Variants in CERS4 observed in about 807,000 individuals in gnomAD.
CERS4 encodes ceramide synthase 4.
A neutral mutation model predicts 51.8 loss-of-function variants in CERS4; 65 were observed. The ratio of observed to expected loss-of-function variants is 1.26; its 90% CI spans 1.03 to 1.54. The LOEUF (loss-of-function observed/expected upper bound fraction) is 1.54, where lower values mean the gene tolerates loss of function less well. Among genes scored for constraint, CERS4 ranks in the 40% most tolerant of loss-of-function variants. The pLI is 0.00. For synonymous variants in CERS4, 228 were observed against 208.4 expected, an observed-to-expected ratio of 1.09 and a Z score of -0.81; for missense variants, 563 against 500.4, an observed-to-expected ratio of 1.13 and a Z score of -1.19.
intron 3 of CERS4, 134 bp from the exon 4 acceptor site, chr19:8,254,365 C>T: frequency 1.6e-6 from 1 of 625,456 alleles, no homozygotes; most frequent in Non-Finnish European, 2.9e-6. Flanking sequence ...CTGCCATGTG[C>T]CAGCTGTGCT....
intron 2 of CERS4, among the ~76,000 whole-genome samples, chr19:8,218,870 G>T (rs959952802): frequency 6.6e-6 from 1 of 152,148 alleles, no homozygotes; most frequent in African/African-American, 2.4e-5. Flanking sequence ...CTCTGCAGGG[G>T]CTCTCTGTGG....
chr19:8,230,836 T>TTTTG (rs796755303), intron 2 of CERS4, among the ~76,000 whole-genome samples: 1 of 152,082 alleles, frequency 6.6e-6, no homozygotes, highest in African/African-American at 2.4e-5. Flanking sequence ...TTGTTTTTTG[T>TTTTG]TTTGTTTGTT....
intron 2 of CERS4, chr19:8,238,420 G>A: frequency 1.4e-6 from 1 of 720,522 alleles, no homozygotes; most frequent in Non-Finnish European, 1.7e-6. Context: ...AGAGGGCGGA[G>A]GCATGTTGGA....
chr19:8,259,668 G>A (rs1969576358), intron 10 of CERS4, among the ~76,000 whole-genome samples: 1 of 152,122 alleles, frequency 6.6e-6, no homozygotes, highest in African/African-American at 2.4e-5. Context: ...GGAACTGCTC[G>A]AGGCAGCAGG....
intron 5 of CERS4, 39 bp from the exon 6 acceptor site, chr19:8,255,783 G>A (rs763330915): frequency 2.2e-5 from 31 of 1,396,926 alleles, no homozygotes; most frequent in African/African-American, 9.2e-5. Flanking sequence ...GGGGCGGGGC[G>A]GGTGTCTGCT....
intron 6 of CERS4, 64 bp from the exon 7 acceptor site, chr19:8,256,172 C>A (rs370479797): frequency 4.6e-6 from 7 of 1,527,224 alleles, no homozygotes; most frequent in Non-Finnish European, 6.2e-6. Context: ...CCAAAGAGAC[C>A]GCAGACCCAG....
chr19:8,232,447 C>A lies in CERS4; in HGVS notation c.-1-18629C>A, dbSNP rs1968052768. On this transcript the variant is annotated intron_variant, in intron 2 of 11. Transcript: ENST00000251363. The stretch of plus-strand genomic sequence containing the variant: ...CTGGGATTACAGGCACGTGCCACCA[C>A]ACCCGGCAATTTTTTTGTATTTTTA... Among the ~76,000 whole-genome samples the A allele has an allele frequency of 2.6e-5, 4 of 152,000 alleles. No individual in the cohort carries two copies. The South Asian group carries it at 8.3e-4, about 32-fold the overall frequency.
At chr19:8,251,014 C>T (rs977393235) in intron 2 of CERS4, 62 bp from the exon 3 acceptor site, 58 of 1,506,618 alleles carry the variant, frequency 3.8e-5, no homozygotes, top group Admixed American at 3.0e-4. Context: ...GCCTCTCAGG[C>T]CCCACTTGCC....
chr19:8,261,529 C>T (rs1024016307), intron 10 of CERS4, 159 bp from the exon 11 acceptor site: 14 of 760,764 alleles, frequency 1.8e-5, no homozygotes, highest in South Asian at 1.0e-4. Flanking sequence ...GGGGGCCTCG[C>T]GTGCCCAGCT....
chr19:8,253,996 C>A (rs1599584182), intron 3 of CERS4, among the ~76,000 whole-genome samples: 1 of 152,090 alleles, frequency 6.6e-6, no homozygotes, highest in East Asian at 1.9e-4. Flanking sequence ...TGACTCTGGG[C>A]CTCCAAACCC....
Position 8,262,306 on chromosome 19 carries a change from ATC to A in CERS4, c.*199_*200del. 2.0e-6 allele frequency: 1 copy of A among 492,700 alleles called. No individual in the cohort carries two copies. Among genetic ancestry groups the A allele is most frequent in the Non-Finnish European group, 3.3e-6 (1 of 305,634 alleles). The allele number at this position is 492,700 out of a possible 1,614,324, so 30.5% of individuals were successfully genotyped here. A position where few individuals can be genotyped will look rare whatever the true frequency, so the allele number is the denominator to read the frequency against. ...TTCTTCCCTCTGGGCAACTGGACAG[ATC>A]TGGGAGCCAGCAGCTGGATGCTGTG... On this transcript the variant is annotated 3_prime_UTR_variant, in exon 12 of 12. Transcript: ENST00000251363.
intron 2 of CERS4, chr19:8,238,646 G>A: frequency 1.1e-6 from 1 of 939,970 alleles, no homozygotes; most frequent in Non-Finnish European, 1.3e-6. Context: ...GATCCTCATG[G>A]TCCAGTATTG....
intron 2 of CERS4, among the ~76,000 whole-genome samples, chr19:8,237,471 C>G (rs187905739): frequency 2.6e-5 from 4 of 152,214 alleles, no homozygotes; most frequent in African/African-American, 9.6e-5. Context: ...AAGAGGATCA[C>G]TTGAACCCAG....
At chr19:8,236,925 C>A (rs967463758) in intron 2 of CERS4, among the ~76,000 whole-genome samples, 3 of 133,972 alleles carry the variant, frequency 2.2e-5, no homozygotes, top group African/African-American at 8.6e-5. Context: ...ATCGCTTGAA[C>A]CAGAGAGGTA....
chr19:8,215,103 C>T (rs1049004107), intron 2 of CERS4, among the ~76,000 whole-genome samples: 3 of 151,566 alleles, frequency 2.0e-5, no homozygotes, highest in African/African-American at 4.8e-5. Flanking sequence ...GGAGCCAGGA[C>T]GTTCTCAGAT....
At chr19:8,221,937 A>G (rs1324800766) in intron 2 of CERS4, among the ~76,000 whole-genome samples, 6 of 116,206 alleles carry the variant, frequency 5.2e-5, no homozygotes, top group African/African-American at 2.0e-4. Context: ...GCTGGAGTGC[A>G]GTGGCATGAT....
At chr19:8,247,729 CA>C (rs1968852377) in intron 2 of CERS4, among the ~76,000 whole-genome samples, 1 of 114,306 alleles carries the variant, frequency 8.7e-6, no homozygotes, top group Non-Finnish European at 1.8e-5. Flanking sequence ...CTGACCTCCG[CA>C]TCTTTTTTTT....
At chr19:8,224,406 CAAAAA>C (rs34399032) in intron 2 of CERS4, among the ~76,000 whole-genome samples, 5,467 of 104,478 alleles carry the variant, frequency 0.052, 150 homozygotes, top group Non-Finnish European at 0.072. Context: ...GACTCCATCG[CAAAAA>C]AAAAAAAAAA....
chr19:8,241,243 C>T (rs754864196), intron 2 of CERS4: 1 of 152,284 alleles, frequency 6.6e-6, no homozygotes, highest in Admixed American at 6.6e-5. Context: ...GGCCAGCACC[C>T]CTTCTTTCCA....
Sources: allele counts gnomAD v4.1 joint callset (sites outside exome capture counted in the v4.1 genomes callset), GRCh38; gene constraint gnomAD v4.1.1; transcripts MANE v1.5; gene names NCBI Gene and HGNC (gene_info 2026-07-23, HGNC 2026-07-21).